GLIS2: variants seen among roughly 807,000 people sequenced by gnomAD.
GLIS2 encodes the protein zinc finger protein GLIS2.
A neutral mutation model predicts 35.6 loss-of-function variants in GLIS2; 14 were observed. The ratio of observed to expected loss-of-function variants is 0.39; its 90% CI spans 0.26 to 0.61. The LOEUF (loss-of-function observed/expected upper bound fraction) is 0.61, where lower values mean the gene tolerates loss of function less well. GLIS2 is among the 20% of genes least tolerant of loss of function. GLIS2 has a pLI of 0.48. For missense variants in GLIS2, 675 were observed against 713.4 expected (o/e 0.95, Z 0.61); for synonymous variants, 368 against 325.1 (o/e 1.13, Z -1.42).
chr16:4,337,412 T>C lies in GLIS2; in HGVS notation c.1463T>C (p.Leu488Pro). 6.3e-7 allele frequency: 1 copy of C among 1,589,434 alleles called. No homozygotes were observed. Residue 488 changes from leucine to proline, a missense_variant, in exon 7 of 7, where the codon CTG becomes CCG. Leu to Pro is a moderately conservative substitution (Grantham distance 98). Transcript: ENST00000433375. ...DGLPLLPGTV[L>P]DLSTGVNSAA... ...CTCCCCCTGCTGCCAGGCACCGTGC[T>C]GGACCTGTCCACGGGCGTCAACTCA...
At chr16:4,327,185 C>T (rs1447230892) in intron 1 of GLIS2, among the ~76,000 whole-genome samples, 2 of 152,196 alleles carry the variant, frequency 1.3e-5, no homozygotes, top group Non-Finnish European at 1.5e-5. Flanking sequence ...TCAGCCACCG[C>T]GCCTGGCCTA....
intron 1 of GLIS2, among the ~76,000 whole-genome samples, chr16:4,325,929 TAAAAAAAA>T (rs58290393): frequency 7.5e-5 from 3 of 40,120 alleles, no homozygotes; most frequent in Non-Finnish European, 8.9e-5. Context: ...CTCTGTGTCT[TAAAAAAAA>T]AAAAAAAAAA....
chr16:4,335,467 G>C lies in GLIS2; in HGVS notation c.775+74G>C, dbSNP rs1480613757. The C allele has an allele frequency of 3.8e-6, 5 of 1,311,180 alleles. No homozygotes were observed. The Admixed American group carries it at 6.8e-5, about 18-fold the overall frequency. The allele number at this position is 1,311,180 out of a possible 1,614,324, so 81.2% of individuals were successfully genotyped here. On this transcript the variant is annotated intron_variant, in intron 6 of 6. Coordinates refer to ENST00000433375, the MANE Select transcript of GLIS2 (RefSeq NM_032575.3). This position sits in a 1 kb window ranked among gnomAD's most constrained non-coding sequence, Gnocchi z 4.6. ...TGAGACCGGCTGGGCAGGTCCCCAG[G>C]GGGAGGGGACTGTTAAGTAAATCCC...
chr16:4,334,866 C>G lies in GLIS2; in HGVS notation c.411C>G (p.Gly137=), dbSNP rs767471873. The stretch of plus-strand genomic sequence containing the variant: ...CCTTCCAGTTCTTCCTGCCCCTCGG[C>G]TCCGGGGGGGCCCTGCACCTGCCTG... ...PSSFQFFLPL[G]SGGALHLPAS... The change falls in exon 4 of 7, where the codon GGC becomes GGG. Residue 137 remains glycine (G), a synonymous_variant. Coordinates refer to ENST00000433375, the MANE Select transcript of GLIS2 (RefSeq NM_032575.3). 1 of 1,613,210 alleles carries G rather than the reference C, an allele frequency of 6.2e-7. No individual in the cohort carries two copies. Among genetic ancestry groups the G allele is most frequent in the East Asian group, 2.2e-5 (1 of 44,884 alleles).
chr16:4,336,643 C>A, intron 6 of GLIS2, 82 bp from the exon 7 acceptor site: 2 of 1,393,018 alleles, frequency 1.4e-6, no homozygotes, highest in Non-Finnish European at 2.0e-6. Context: ...GTGCTTGGCC[C>A]GGGGAAATGT....
Position 4,335,449 on chromosome 16 carries a change from G to T in GLIS2, c.775+56G>T. The T allele has an allele frequency of 1.7e-5, 25 of 1,480,342 alleles. No individual in the cohort carries two copies. The highest frequency in any genetic ancestry group is 2.4e-5 in the Non-Finnish European group (25 of 1,060,508). 91.7% of individuals were successfully genotyped at this position (1,480,342 alleles called of 1,614,324 possible). On this transcript the variant is annotated intron_variant, in intron 6 of 6. Coordinates refer to ENST00000433375, the MANE Select transcript of GLIS2 (RefSeq NM_032575.3). This position sits in a 1 kb window ranked among gnomAD's most constrained non-coding sequence, Gnocchi z 4.6. ...ATGAAGGGGGCGCTCAGCTGAGACC[G>T]GCTGGGCAGGTCCCCAGGGGGAGGG...
rs573357705 is a variant in GLIS2 at position 4,337,755 on chromosome 16, C to T, written c.*231C>T. On this transcript the variant is annotated 3_prime_UTR_variant, in exon 7 of 7. Transcript: ENST00000433375. The stretch of plus-strand genomic sequence containing the variant: ...TGTGCTCCTGGGTGCTGAAGCCTCG[C>T]TCCTGTCTGTCCCCCACCACCTGGC... The T allele has an allele frequency of 1.1e-5, 7 of 631,644 alleles. No homozygotes were observed. Among genetic ancestry groups the T allele is most frequent in the African/African-American group, 5.4e-5 (3 of 55,340 alleles). The allele number at this position is 631,644 out of a possible 1,614,324, so 39.1% of individuals were successfully genotyped here.
At chr16:4,331,902 T>C (rs2053499928) in intron 1 of GLIS2, 2 of 363,152 alleles carry the variant, frequency 5.5e-6, no homozygotes, top group Non-Finnish European at 1.1e-5. Flanking sequence ...TGAGCTATGA[T>C]TGTGCCACTT....
At chr16:4,317,313 G>A (rs1340665737) in intron 1 of GLIS2, among the ~76,000 whole-genome samples, 2 of 152,156 alleles carry the variant, frequency 1.3e-5, no homozygotes, top group East Asian at 1.9e-4. Flanking sequence ...CCTGGGCTTG[G>A]TCTGGGCCAT....
At chr16:4,336,504 G>T (rs2053552679) in intron 6 of GLIS2, 2 of 647,736 alleles carry the variant, frequency 3.1e-6, no homozygotes, top group Non-Finnish European at 5.6e-6. Flanking sequence ...GGTGCAGGGC[G>T]AGGCTAGGCA....
At position 4,320,965 on chromosome 16, in the gene GLIS2, A is replaced by T. The variant is rs1597332317; in HGVS notation, c.-67+4711A>T. 6.6e-6 allele frequency among the ~76,000 whole-genome samples: 1 copy of T among 152,212 alleles called. No individual in the cohort carries two copies. Among genetic ancestry groups the T allele is most frequent in the Non-Finnish European group, 1.5e-5 (1 of 68,022 alleles). ...GCCACCAGGCCTGGCAGATCCTGCC[A>T]GTGGGTGTTCCCCTTTGGAAGGAAA... On this transcript the variant is annotated intron_variant, in intron 1 of 6. Transcript: ENST00000433375. This position sits in a 1 kb window ranked among gnomAD's most constrained non-coding sequence, Gnocchi z 5.6.
intron 1 of GLIS2, among the ~76,000 whole-genome samples, chr16:4,322,533 C>T (rs1044333039): frequency 5.3e-5 from 8 of 152,252 alleles, no homozygotes; most frequent in Admixed American, 2.0e-4. Flanking sequence ...GACCGGGCGC[C>T]GACCCGCAGG....
At position 4,332,319 on chromosome 16, in the gene GLIS2, T is replaced by C. The variant is rs1340345250; in HGVS notation, c.39T>C (p.Ser13=). The change falls in exon 2 of 7, where the codon AGT becomes AGC. Residue 13 remains serine, a synonymous_variant. Coordinates refer to ENST00000433375, the MANE Select transcript of GLIS2 (RefSeq NM_032575.3). The surrounding 1 kb of genome is among the most constrained non-coding windows in gnomAD (Gnocchi z 5.4). ...ACGAGCCGCTCGACCTGAAGCTGAG[T>C]ATCACCAAGCTCCGGGCGGCAAGAG... The part of the protein sequence containing the change: ...SLDEPLDLKL[S]ITKLRAAREK... 1.9e-6 allele frequency: 3 copies of C among 1,612,948 alleles called. No individual in the cohort carries two copies. Among genetic ancestry groups the C allele is most frequent in the Non-Finnish European group, 2.5e-6 (3 of 1,179,998 alleles).
At chr16:4,315,630 T>G (rs2053299226), upstream of GLIS2, among the ~76,000 whole-genome samples, 5 of 146,292 alleles carry the variant, frequency 3.4e-5, no homozygotes, top group East Asian at 2.2e-4. Context: ...CTCCCGGCCG[T>G]GTCCTAGCGC....
intron 1 of GLIS2, chr16:4,324,866 G>T (rs1310104628): frequency 6.6e-6 from 1 of 152,256 alleles, no homozygotes; most frequent in Non-Finnish European, 1.5e-5. Context: ...GAGTAGCAGA[G>T]CCGGGTGGGG....
At position 4,332,216 on chromosome 16, in the gene GLIS2, T is replaced by C; in HGVS notation, c.-65T>C. On this transcript the variant is annotated splice_region_variant and 5_prime_UTR_variant, in exon 2 of 7. Transcript: ENST00000433375. The surrounding 1 kb of genome is among the most constrained non-coding windows in gnomAD (Gnocchi z 5.4). ...AGCACAGCTCCTGTCCTTCCCCAGG[T>C]TCCTGCGTGAAGACCAGCTGGGAGC... The C allele has an allele frequency of 6.4e-7, 1 of 1,571,630 alleles. No homozygotes were observed. The highest frequency in any genetic ancestry group is 8.6e-7 in the Non-Finnish European group (1 of 1,157,236).
intron 2 of GLIS2, among the ~76,000 whole-genome samples, chr16:4,333,094 C>T (rs769694653): frequency 2.0e-5 from 3 of 152,192 alleles, no homozygotes; most frequent in Non-Finnish European, 2.9e-5. Flanking sequence ...CGTGCCAGAC[C>T]ATTCCCGTCT....
In GLIS2 at chr16:4,335,201, G is replaced by T; in HGVS notation, c.656+8G>T. 4 of 1,613,502 alleles carry T rather than the reference G, an allele frequency of 2.5e-6. No individual in the cohort carries two copies. Among genetic ancestry groups the T allele is most frequent in the Non-Finnish European group, 3.4e-6 (4 of 1,180,028 alleles). On this transcript the variant is annotated splice_region_variant and intron_variant, in intron 5 of 6. Transcript: ENST00000433375. The surrounding 1 kb of genome is among the most constrained non-coding windows in gnomAD (Gnocchi z 4.6). ...CCGAGGTTTCAACGCCAGGTGAGGT[G>T]GGGGAGAGAGGGGTAGAGGGAGGAC...
intron 1 of GLIS2, among the ~76,000 whole-genome samples, chr16:4,318,185 G>A (rs1306240821): frequency 6.6e-6 from 1 of 152,198 alleles, no homozygotes; most frequent in East Asian, 1.9e-4. Flanking sequence ...CTTGGAGGGT[G>A]ACCGGGGAAA....
Sources: gnomAD v4.1 joint callset for allele counts (sites outside exome capture counted in the v4.1 genomes callset) on GRCh38, gnomAD v4.1.1 for gene constraint, Gnocchi (gnomAD v3.1) non-coding constraint, MANE v1.5 for transcripts, NCBI Gene and HGNC (gene_info 2026-07-23, HGNC 2026-07-21) for gene names.